The following PDE1A variants were observed in gnomAD, a reference collection of about 807,000 sequenced individuals.
PDE1A encodes the protein phosphodiesterase 1A.
A neutral mutation model predicts 61.7 loss-of-function variants in PDE1A; 35 were observed. The observed-to-expected ratio is 0.57, with a 90% CI of 0.43 to 0.75. PDE1A has a LOEUF of 0.75. Among genes scored for constraint, PDE1A ranks in the 30% least tolerant of loss-of-function variants. The pLI is 0.00. For synonymous variants in PDE1A, 232 were observed against 213.2 expected, an observed-to-expected ratio of 1.09 and a Z score of -0.77; for missense variants, 597 against 630.6, an observed-to-expected ratio of 0.95 and a Z score of 0.57.
chr2:182,336,042 G>A (rs1426481910), intron 1 of PDE1A, among the ~76,000 whole-genome samples: 2 of 152,142 alleles, frequency 1.3e-5, no homozygotes, highest in Admixed American at 6.5e-5. Context: ...GGTCATTAGA[G>A]AAATGCAAAT....
At chr2:182,368,558 G>A (rs192572498) in intron 1 of PDE1A, among the ~76,000 whole-genome samples, 16 of 151,648 alleles carry the variant, frequency 1.1e-4, no homozygotes, top group Admixed American at 2.6e-4. Context: ...CTACAATGGG[G>A]CTGAGAGAGA....
chr2:182,645,174 G>A, the PDE1A span, among the ~76,000 whole-genome samples: 1 of 152,044 alleles, frequency 6.6e-6, no homozygotes, highest in Non-Finnish European at 1.5e-5. Context: ...TTTTAGTAGA[G>A]ATGGGGTTTC....
chr2:182,205,593 T>C (rs1217646297), intron 8 of PDE1A, among the ~76,000 whole-genome samples: 1 of 152,206 alleles, frequency 6.6e-6, no homozygotes, highest in Non-Finnish European at 1.5e-5. Flanking sequence ...ATGAATATAA[T>C]GCCAAAATTT....
At chr2:182,220,712 G>T (rs1242987918) in intron 7 of PDE1A, among the ~76,000 whole-genome samples, 1 of 151,926 alleles carries the variant, frequency 6.6e-6, no homozygotes, top group African/African-American at 2.4e-5. Context: ...ATCTAGCCTT[G>T]CCCTATGTTC....
upstream of PDE1A, among the ~76,000 whole-genome samples, chr2:182,428,810 T>C (rs576320568): frequency 6.6e-6 from 1 of 152,250 alleles, no homozygotes; most frequent in South Asian, 2.1e-4. Context: ...AAGAAAATAA[T>C]AAGCCCATCA....
the PDE1A span, among the ~76,000 whole-genome samples, chr2:182,666,445 C>A: frequency 6.6e-6 from 1 of 151,706 alleles, no homozygotes; most frequent in Non-Finnish European, 1.5e-5. Flanking sequence ...TGGTGAAACC[C>A]CATCAATACA....
the PDE1A span, among the ~76,000 whole-genome samples, chr2:182,591,391 T>C: frequency 1.3e-5 from 2 of 152,276 alleles, no homozygotes; most frequent in Admixed American, 6.5e-5. Context: ...AAAGATTCAT[T>C]TGAGAGAATT....
Position 182,446,300 on chromosome 2 carries a change from G to T in PDE1A, c.101+75976C>A, listed in dbSNP as rs530124667. On this transcript the variant is annotated intron_variant, in intron 2 of 14. Transcript: ENST00000410103. ...TCAGCTCTGTTAGAACAGCATACCA[G>T]TGAAGTCAAAGCTCTCACAAGGTTC... Among the ~76,000 whole-genome samples, 17 of 152,182 alleles carry T rather than the reference G, an allele frequency of 1.1e-4. No individual in the cohort carries two copies. The South Asian group carries it at 2.3e-3, about 20-fold the overall frequency.
At chr2:182,368,965 A>T (rs1275289428) in intron 1 of PDE1A, among the ~76,000 whole-genome samples, 3 of 152,220 alleles carry the variant, frequency 2.0e-5, no homozygotes, top group African/African-American at 7.2e-5. Context: ...CTAAAGTAGT[A>T]GCATATTTTG....
chr2:182,265,850 T>TTTAA (rs1692598040), intron 1 of PDE1A, among the ~76,000 whole-genome samples: 1 of 152,192 alleles, frequency 6.6e-6, no homozygotes, highest in African/African-American at 2.4e-5. Flanking sequence ...TCAGACAGAA[T>TTTAA]TTAATTCCAT....
intron 2 of PDE1A, among the ~76,000 whole-genome samples, chr2:182,522,051 G>A (rs965013903): frequency 6.6e-6 from 1 of 152,108 alleles, no homozygotes; most frequent in African/African-American, 2.4e-5. Flanking sequence ...CATGTAATAT[G>A]ACAGTAAAGT....
intron 10 of PDE1A, among the ~76,000 whole-genome samples, chr2:182,200,278 T>C (rs753819896): frequency 1.3e-5 from 2 of 152,174 alleles, no homozygotes; most frequent in East Asian, 3.9e-4. Flanking sequence ...ATCCCCTAGA[T>C]AGTTTCAGCA....
chr2:182,386,867 T>A (rs4583416), intron 1 of PDE1A, among the ~76,000 whole-genome samples: 3,432 of 143,208 alleles, frequency 0.024, 117 homozygotes, highest in African/African-American at 0.082. Flanking sequence ...CGGCCGCCCC[T>A]TCTGGGAGGT....
chr2:182,172,142 C>T (rs1226798380), intron 13 of PDE1A, among the ~76,000 whole-genome samples: 1 of 151,952 alleles, frequency 6.6e-6, no homozygotes, highest in Non-Finnish European at 1.5e-5. Flanking sequence ...AGCTAACAAA[C>T]AAAAACATAC....
At position 182,238,218 on chromosome 2, in the gene PDE1A, G is replaced by A. The variant is rs139282258; in HGVS notation, c.350+1892C>T. 4.4e-3 allele frequency among the ~76,000 whole-genome samples: 625 copies of A among 142,070 alleles called. 1 individual carries two copies. Among genetic ancestry groups the A allele is most frequent in the African/African-American group, 0.016 (607 of 37,470 alleles). The allele number at this position is 142,070 out of a possible 152,430, so 93.2% of individuals were successfully genotyped here. On this transcript the variant is annotated intron_variant, in intron 3 of 13. Coordinates refer to ENST00000351439, the Ensembl canonical transcript of PDE1A. ...CGGGAGGCGGAGCTTGCAGGGAGCC[G>A]AGATCGCGCCACTGCACCCCAACCT...
chr2:182,694,849 TTTG>T, the PDE1A span, among the ~76,000 whole-genome samples: 2 of 146,788 alleles, frequency 1.4e-5, no homozygotes, highest in Non-Finnish European at 3.0e-5. Context: ...CAGTTGTTTG[TTTG>T]TTTTTTTTTT....
chr2:182,202,525 G>A (rs1686748617), intron 8 of PDE1A, among the ~76,000 whole-genome samples: 1 of 152,124 alleles, frequency 6.6e-6, no homozygotes. Flanking sequence ...AGGAGACTGA[G>A]TCACCCAGTC....
At chr2:182,201,879 A>G in intron 8 of PDE1A, 90 bp from the exon 9 acceptor site, 3 of 772,270 alleles carry the variant, frequency 3.9e-6, no homozygotes, top group South Asian at 3.4e-5. Flanking sequence ...ACCATGTTTT[A>G]TAGTTCTTAA....
chr2:182,561,850 C>A, the PDE1A span, among the ~76,000 whole-genome samples: 1 of 152,050 alleles, frequency 6.6e-6, no homozygotes, highest in South Asian at 2.1e-4. Context: ...TGATTTGGCT[C>A]TCTGTTTGTC....
Sources: gnomAD v4.1 joint callset for allele counts (sites outside exome capture counted in the v4.1 genomes callset) on GRCh38, gnomAD v4.1.1 for gene constraint, MANE v1.5 for transcripts, NCBI Gene and HGNC (gene_info 2026-07-23, HGNC 2026-07-21) for gene names.